MEGF6: variants seen among roughly 807,000 people sequenced by gnomAD.
MEGF6 encodes multiple epidermal growth factor-like domains protein 6.
In MEGF6, 184 loss-of-function variants were observed where a neutral mutation model predicts 207.1. That is an observed-to-expected ratio of 0.89 (90% CI 0.79 to 1.00). MEGF6 has a LOEUF of 1.00. MEGF6 is among the 50% of genes least tolerant of loss of function. MEGF6 has a pLI of 0.00. For missense variants in MEGF6, 2,282 were observed against 2,202.9 expected (o/e 1.04, Z -0.72); for synonymous variants, 1,038 against 910.0 (o/e 1.14, Z -2.53).
chr1:3,618,752 C>T, the MEGF6 span, among the ~76,000 whole-genome samples: 2 of 152,294 alleles, frequency 1.3e-5, no homozygotes, highest in African/African-American at 4.8e-5. This position sits in a 1 kb window ranked among gnomAD's most constrained non-coding sequence, Gnocchi z 4.7. Flanking sequence ...AGCCCTGGGA[C>T]CCGCCAAGCC....
At chr1:3,620,077 T>C in the MEGF6 span, among the ~76,000 whole-genome samples, 1 of 152,146 alleles carries the variant, frequency 6.6e-6, no homozygotes, top group East Asian at 1.9e-4. Context: ...GCCCTAGAGA[T>C]CCGTGGAACT....
chr1:3,617,766 T>C, the MEGF6 span, among the ~76,000 whole-genome samples: 3 of 152,218 alleles, frequency 2.0e-5, no homozygotes, highest in Non-Finnish European at 4.4e-5. Flanking sequence ...ACAGGCGTCC[T>C]TGTAAGAGAA....
chr1:3,559,440 T>C (rs1346947608), intron 4 of MEGF6, among the ~76,000 whole-genome samples: 3 of 148,952 alleles, frequency 2.0e-5, no homozygotes, highest in Admixed American at 6.9e-5. Flanking sequence ...GAGGATCATG[T>C]GAGCCCAGGA....
chr1:3,540,052 A>G (rs894078586), intron 4 of MEGF6, among the ~76,000 whole-genome samples: 5 of 152,170 alleles, frequency 3.3e-5, no homozygotes, highest in Non-Finnish European at 7.4e-5. Flanking sequence ...ACGGCCACAG[A>G]TGCCTGCAGG....
At chr1:3,523,279 C>T (rs1442382968) in intron 5 of MEGF6, among the ~76,000 whole-genome samples, 6 of 152,296 alleles carry the variant, frequency 3.9e-5, no homozygotes, top group Middle Eastern at 3.4e-3. Context: ...TTGCTTGGGG[C>T]GCCTGTGCCC....
At chr1:3,606,789 C>CG (rs1005444319) in intron 1 of MEGF6, among the ~76,000 whole-genome samples, 34 of 152,152 alleles carry the variant, frequency 2.2e-4, no homozygotes, top group Middle Eastern at 3.2e-3. Flanking sequence ...AAACGGAAGC[C>CG]GGGGGGAATA....
chr1:3,608,230 C>T (rs1354906281), intron 1 of MEGF6, among the ~76,000 whole-genome samples: 1 of 152,116 alleles, frequency 6.6e-6, no homozygotes, highest in Non-Finnish European at 1.5e-5. Flanking sequence ...TGCCCTGGGG[C>T]CCCTCGGACT....
chr1:3,573,670 C>T lies in MEGF6; in HGVS notation c.481+6155G>A, dbSNP rs988325358. Among the ~76,000 whole-genome samples, 2 of 152,140 alleles carry T rather than the reference C, an allele frequency of 1.3e-5. No individual in the cohort carries two copies. The highest frequency in any genetic ancestry group is 4.8e-5 in the African/African-American group (2 of 41,430). On this transcript the variant is annotated intron_variant, in intron 4 of 36. Coordinates refer to ENST00000356575, the MANE Select transcript of MEGF6 (RefSeq NM_001409.4). The surrounding 1 kb of genome is among the most constrained non-coding windows in gnomAD (Gnocchi z 5.1). ...AAAAGAACATCCCTGCCCCAGAGCC[C>T]GCCCTTCCAGGAGCCCCGTCCTCCC... is the stretch of plus-strand genomic sequence containing the variant.
At chr1:3,579,743 C>T (rs571231904) in intron 4 of MEGF6, 82 bp downstream of exon 4, 28 of 978,312 alleles carry the variant, frequency 2.9e-5, no homozygotes, top group South Asian at 1.3e-4. Context: ...GTGCTGGGGA[C>T]GGCCAGTGGC....
In MEGF6 at chr1:3,508,543, G is replaced by T. The variant is rs766677514; in HGVS notation, c.1660+15C>A. 11 of 1,609,730 alleles carry T rather than the reference G, an allele frequency of 6.8e-6. No individual in the cohort carries two copies. The highest frequency in any genetic ancestry group is 7.6e-6 in the Non-Finnish European group (9 of 1,177,774). On this transcript the variant is annotated intron_variant, in intron 13 of 36. Transcript: ENST00000356575. ...GGCCCCTTCCCAGCCCCCAGCCCCTGCCCAGCTGCCTCACTCTCATTGCAG... is the reference window on the plus strand; with the variant it reads ...GGCCCCTTCCCAGCCCCCAGCCCCTTCCCAGCTGCCTCACTCTCATTGCAG...
At chr1:3,515,832 GCCCAGCACCC>G (rs896815848) in intron 5 of MEGF6, among the ~76,000 whole-genome samples, 7 of 152,200 alleles carry the variant, frequency 4.6e-5, no homozygotes, top group Non-Finnish European at 7.3e-5. Context: ...CCAGACAGAA[GCCCAGCACCC>G]CCCAGCACAG....
At position 3,506,071 on chromosome 1, in the gene MEGF6, CACCACCATGG is replaced by C. The variant is rs1237885001; in HGVS notation, c.1918+27_1918+36del. 1.9e-6 allele frequency: 3 copies of C among 1,554,090 alleles called. No individual in the cohort carries two copies. In the East Asian group the frequency reaches 7.1e-5, roughly 37 times the overall value. On this transcript the variant is annotated intron_variant, in intron 15 of 36. Coordinates refer to ENST00000356575, the MANE Select transcript of MEGF6 (RefSeq NM_001409.4). ...ATGGACCATCCCTTCCACCCGCTGC[CACCACCATGG>C]ACACTGGAAGGGGCAGTGAGACTCA...
At chr1:3,567,231 C>T (rs528464485) in intron 4 of MEGF6, among the ~76,000 whole-genome samples, 1 of 152,352 alleles carries the variant, frequency 6.6e-6, no homozygotes, top group East Asian at 1.9e-4. Context: ...CCCAGGGATG[C>T]ACTGGACATG....
intron 34 of MEGF6, 38 bp downstream of exon 34, chr1:3,493,733 C>T (rs1640473971): frequency 1.9e-6 from 3 of 1,600,884 alleles, no homozygotes; most frequent in South Asian, 1.1e-5. Context: ...GATGGAGACC[C>T]ACACCCACGC....
rs371416016 is a variant in MEGF6 at position 3,510,006 on chromosome 1, G to A, written c.1235-14C>T. ...ACTCATCCACATCTGCGGGCGACCC[G>A]GGACCACTGAGGCCTGTGCTCCCAG... On this transcript the variant is annotated splice_polypyrimidine_tract_variant and intron_variant, in intron 10 of 36. Coordinates refer to ENST00000356575, the MANE Select transcript of MEGF6 (RefSeq NM_001409.4). The A allele has an allele frequency of 1.4e-4, 216 of 1,579,146 alleles. No homozygotes were observed. The African/African-American group carries it at 2.0e-3, about 15-fold the overall frequency.
At chr1:3,608,199 G>A (rs757806143) in intron 1 of MEGF6, among the ~76,000 whole-genome samples, 1 of 152,178 alleles carries the variant, frequency 6.6e-6, no homozygotes, top group African/African-American at 2.4e-5. Context: ...CAAGGCCCTG[G>A]GGTTGGGGGA....
intron 4 of MEGF6, among the ~76,000 whole-genome samples, chr1:3,530,832 T>C (rs1376105725): frequency 1.3e-5 from 2 of 152,124 alleles, no homozygotes; most frequent in Non-Finnish European, 2.9e-5. Context: ...TTTTCTTTCC[T>C]CCGGTCAAGG....
rs564082849 is a variant in MEGF6 at position 3,498,399 on chromosome 1, G to T, written c.3324C>A (p.Ala1108=). 2 of 1,600,712 alleles carry T rather than the reference G, an allele frequency of 1.2e-6. No individual in the cohort carries two copies. Among genetic ancestry groups the T allele is most frequent in the South Asian group, 1.1e-5 (1 of 90,288 alleles). Residue 1108 remains alanine, a synonymous_variant, in exon 26 of 37, where the codon GCC becomes GCA. Coordinates refer to ENST00000356575, the MANE Select transcript of MEGF6 (RefSeq NM_001409.4). ...TCTGACACTTGTCCCCAGTCCAGCCGGCTGGGCAGAGGCAGCGGCCCGTGT... is the reference window on the plus strand; with the variant it reads ...TCTGACACTTGTCCCCAGTCCAGCCTGCTGGGCAGAGGCAGCGGCCCGTGT... ...DPHTGRCLCP[A]GWTGDKCQSP...
At chr1:3,599,271 C>G (rs892618477) in intron 2 of MEGF6, among the ~76,000 whole-genome samples, 1 of 152,190 alleles carries the variant, frequency 6.6e-6, no homozygotes, top group Non-Finnish European at 1.5e-5. Context: ...CTGCTGGCCT[C>G]CCCCCCAGAG....
Sources: gnomAD v4.1 joint callset for allele counts (sites outside exome capture counted in the v4.1 genomes callset) on GRCh38, gnomAD v4.1.1 for gene constraint, Gnocchi (gnomAD v3.1) non-coding constraint, MANE v1.5 for transcripts, NCBI Gene and HGNC (gene_info 2026-07-23, HGNC 2026-07-21) for gene names.